The following SLC66A1 variants were observed in gnomAD, a reference collection of about 807,000 sequenced individuals.
The protein encoded by SLC66A1 is lysosomal amino acid transporter 1 homolog.
Under a neutral mutation model 33.0 loss-of-function variants are expected in SLC66A1, and 23 were observed. The observed-to-expected ratio is 0.70, with a 90% CI of 0.50 to 0.99. The LOEUF (loss-of-function observed/expected upper bound fraction) is 0.99, where lower values mean the gene tolerates loss of function less well. SLC66A1 is among the 50% of genes least tolerant of loss of function. The pLI, the probability that SLC66A1 is intolerant of heterozygous loss-of-function variation, is 0.00. For missense variants in SLC66A1, 335 were observed against 383.6 expected (o/e 0.87, Z 1.06); for synonymous variants, 164 against 175.5 (o/e 0.93, Z 0.52).
intron 6 of SLC66A1, 94 bp downstream of exon 6, chr1:19,326,717 G>A: frequency 2.3e-6 from 3 of 1,324,906 alleles, no homozygotes; most frequent in Non-Finnish European, 3.2e-6. Context: ...CAGCATAGGA[G>A]CCTTGGTTCA....
chr1:19,322,132 C>T (rs571252347), intron 2 of SLC66A1, among the ~76,000 whole-genome samples: 161 of 151,604 alleles, frequency 1.1e-3, no homozygotes, highest in African/African-American at 3.7e-3. Flanking sequence ...ACCTTGGAGG[C>T]TGTGGAAGCC....
Position 19,327,341 on chromosome 1 carries a change from G to T in SLC66A1, c.733G>T (p.Glu245Ter). The change falls in exon 7 of 8, where the codon GAG (glutamate) becomes TAG (stop). Residue 245 changes from glutamate to a stop codon, truncating the protein, a stop_gained. Transcript: ENST00000375153. LOFTEE classifies it high-confidence loss of function. ...CAAAAACCCCGAGGAGGGCCAGAGC[G>T]AGGGCAGCTACCTGCTGCACCACCT... ...LLKNPEEGQSEGSYLLHHLPW... is the reference protein window; with the variant it reads ...LLKNPEEGQS 6.2e-7 allele frequency: 1 copy of T among 1,612,184 alleles called. No individual in the cohort carries two copies. The highest frequency in any genetic ancestry group is 2.2e-5 in the East Asian group (1 of 44,856).
At position 19,327,267 on chromosome 1, in the gene SLC66A1, T is replaced by C; in HGVS notation, c.659T>C (p.Phe220Ser). The C allele has an allele frequency of 1.2e-6, 2 of 1,613,908 alleles. No homozygotes were observed. Among genetic ancestry groups the C allele is most frequent in the Non-Finnish European group, 1.7e-6 (2 of 1,179,926 alleles). ...ACCCAGGGGATCTCCTACTCTCTGT[T>C]CGCGCTGGTGATGCTGGGGAACACG... ...KSTQGISYSL[F>S]ALVMLGNTLY... The change falls in exon 7 of 8, where the codon TTC becomes TCC. Residue 220 changes from phenylalanine (F) to serine (S), a missense_variant. By Grantham distance (155) the Phe-to-Ser change is radical (BLOSUM62 -2). Coordinates refer to ENST00000375153, the MANE Select transcript of SLC66A1 (RefSeq NM_001040125.2).
At position 19,326,331 on chromosome 1, in the gene SLC66A1, G is replaced by GC; in HGVS notation, c.473dup (p.Arg159Ter). The GC allele has an allele frequency of 6.2e-7, 1 of 1,606,908 alleles. No homozygotes were observed. ...GCTGAGTGCTGCTGGGCCCGTGGCT[G>GC]CCCCTAGGGAAGCCTTCCGGGGGCG... is the stretch of plus-strand genomic sequence containing the variant. On this transcript the variant is annotated frameshift_variant, in exon 5 of 8. Transcript: ENST00000375153. LOFTEE classifies it high-confidence loss of function.
intron 2 of SLC66A1, 132 bp downstream of exon 2, chr1:19,317,973 C>T (rs1440529288): frequency 8.9e-6 from 12 of 1,349,514 alleles, no homozygotes; most frequent in East Asian, 4.6e-5. Context: ...TGTGTTCCCT[C>T]GACAGGGACC....
chr1:19,321,377 A>C (rs1476506978), intron 2 of SLC66A1, among the ~76,000 whole-genome samples: 2 of 148,296 alleles, frequency 1.3e-5, no homozygotes, highest in East Asian at 3.9e-4. Flanking sequence ...ACAAGGTCTC[A>C]CTGTATTGTC....
downstream of SLC66A1, among the ~76,000 whole-genome samples, chr1:19,332,720 A>G (rs531838558): frequency 2.0e-5 from 3 of 152,352 alleles, no homozygotes; most frequent in East Asian, 5.8e-4. Context: ...ACGCCTCCAC[A>G]GGTGGCTTCC....
chr1:19,317,768 C>G lies in SLC66A1; in HGVS notation c.91C>G (p.Gln31Glu), dbSNP rs141141870. 6.2e-7 allele frequency: 1 copy of G among 1,614,078 alleles called. No individual in the cohort carries two copies. The highest frequency in any genetic ancestry group is 1.3e-5 in the African/African-American group (1 of 74,924). Residue 31 changes from glutamine to glutamate, a missense_variant, in exon 2 of 8, where the codon CAG (glutamine) becomes GAG (glutamate). Physicochemically the swap from Gln to Glu is conservative, Grantham distance 29 (BLOSUM62 2). Transcript: ENST00000375153. The part of the protein sequence containing the change: ...WIWDVLGECA[Q>E]DGWDEASVGL... ...ATGGGATGTGTTGGGTGAATGTGCC[C>G]AGGACGGCTGGGACGAGGCCAGCGT... is the stretch of plus-strand genomic sequence containing the variant.
intron 7 of SLC66A1, chr1:19,327,644 G>A (rs371147294): frequency 2.8e-6 from 2 of 706,526 alleles, no homozygotes; most frequent in East Asian, 2.8e-5. Flanking sequence ...AGCCATGAGT[G>A]CCCCAGAAGC....
chr1:19,333,711 G>A (rs1013455311), downstream of SLC66A1, among the ~76,000 whole-genome samples: 12 of 152,274 alleles, frequency 7.9e-5, no homozygotes, highest in East Asian at 1.5e-3. This position sits in a 1 kb window ranked among gnomAD's most constrained non-coding sequence, Gnocchi z 4.2. Flanking sequence ...CAACACTTTG[G>A]GAGGCTGAGG....
At chr1:19,318,786 CAAAAA>C (rs34811529) in intron 2 of SLC66A1, among the ~76,000 whole-genome samples, 1 of 131,778 alleles carries the variant, frequency 7.6e-6, no homozygotes. Flanking sequence ...CCATCTCTAC[CAAAAA>C]AAAAAAAAAA....
At chr1:19,317,964 G>A in intron 2 of SLC66A1, 123 bp downstream of exon 2, 1 of 1,418,718 alleles carries the variant, frequency 7.0e-7, no homozygotes, top group South Asian at 1.3e-5. Flanking sequence ...AGGCTGGGGT[G>A]TGTTCCCTCG....
chr1:19,319,368 G>T (rs1409363497), intron 2 of SLC66A1, among the ~76,000 whole-genome samples: 3 of 152,182 alleles, frequency 2.0e-5, no homozygotes, highest in African/African-American at 7.2e-5. Flanking sequence ...GACATTTCAT[G>T]ATTCATATAA....
rs1326691009 is a variant in SLC66A1 at position 19,328,563 on chromosome 1, C to T, written c.805-9C>T. The T allele has an allele frequency of 3.1e-6, 5 of 1,611,870 alleles. No individual in the cohort carries two copies. The highest frequency in any genetic ancestry group is 2.7e-5 in the African/African-American group (2 of 74,896). On this transcript the variant is annotated splice_polypyrimidine_tract_variant and intron_variant, in intron 7 of 7. Coordinates refer to ENST00000375153, the MANE Select transcript of SLC66A1 (RefSeq NM_001040125.2). The surrounding 1 kb of genome is among the most constrained non-coding windows in gnomAD (Gnocchi z 4.7). ...CTGCTCAGCTTGGCCTTAACGGCGG[C>T]ACCCCCAGATCTCCATCCAGTTCCT...
chr1:19,325,646 G>GGGA lies in SLC66A1; in HGVS notation c.382+65_382+66insGAG, dbSNP rs367800374. 2,614 of 1,271,950 alleles carry GGGA rather than the reference G, an allele frequency of 2.1e-3. 54 individuals carry two copies. In the African/African-American group the frequency reaches 0.035, roughly 17 times the overall value. 78.8% of individuals were successfully genotyped at this position (1,271,950 alleles called of 1,614,324 possible). A position where few individuals can be genotyped will look rare whatever the true frequency, so the allele number is the denominator to read the frequency against. On this transcript the variant is annotated intron_variant, in intron 4 of 7. Coordinates refer to ENST00000375153, the MANE Select transcript of SLC66A1 (RefSeq NM_001040125.2). The stretch of plus-strand genomic sequence containing the variant: ...GCAGCAGGGGGCAGTTGTGGGGGGG[G>GGGA]GCGCCTGGAGTGTGGGAGGAAGCGG...
chr1:19,325,645 G>GGC, intron 4 of SLC66A1, 63 bp downstream of exon 4: 1 of 1,291,854 alleles, frequency 7.7e-7, no homozygotes. Context: ...TTGTGGGGGG[G>GGC]GGCGCCTGGA....
rs1312671022 is a variant in SLC66A1, at chr1:19,326,366, G to A, written c.504G>A (p.Leu168=). 2 of 1,606,816 alleles carry A rather than the reference G, an allele frequency of 1.2e-6. No homozygotes were observed. Among genetic ancestry groups the A allele is most frequent in the East Asian group, 2.2e-5 (1 of 44,836 alleles). ...PREAFRGRAL[L]SVESGSKPFT... is the part of the protein sequence containing the mutation. The stretch of plus-strand genomic sequence containing the variant: ...AAGCCTTCCGGGGGCGGGCGCTCCT[G>A]TCCGTGGAGTCGGGCAGCAAGGTGA... The change falls in exon 5 of 8, where the codon CTG becomes CTA. Residue 168 remains leucine (L), a synonymous_variant. Transcript: ENST00000375153.
downstream of SLC66A1, among the ~76,000 whole-genome samples, chr1:19,330,559 A>G (rs1181717873): frequency 6.6e-6 from 1 of 152,200 alleles, no homozygotes; most frequent in East Asian, 1.9e-4. Flanking sequence ...CAGGAGGGTC[A>G]ATCAGGGAGG....
chr1:19,314,204 G>A (rs859217), intron 1 of SLC66A1, among the ~76,000 whole-genome samples: 4,125 of 152,304 alleles, frequency 0.027, 209 homozygotes, highest in African/African-American at 0.094. Context: ...GATCAGGTGT[G>A]TCTCAGAGTG....
Sources: gnomAD v4.1 joint callset for allele counts (sites outside exome capture counted in the v4.1 genomes callset) on GRCh38, gnomAD v4.1.1 for gene constraint, Gnocchi (gnomAD v3.1) non-coding constraint, MANE v1.5 for transcripts, NCBI Gene and HGNC (gene_info 2026-07-23, HGNC 2026-07-21) for gene names.